The following KIAA0586 variants were observed in gnomAD, a reference collection of about 807,000 sequenced individuals.
KIAA0586 encodes the protein KIAA0586, also known as protein TALPID3.
In KIAA0586, 144 loss-of-function variants were observed where a neutral mutation model predicts 169.8. That is an observed-to-expected ratio of 0.85 (90% confidence interval 0.74 to 0.97). The LOEUF (loss-of-function observed/expected upper bound fraction) is 0.97. Ranked by LOEUF, KIAA0586 falls within the 50% of genes least tolerant of loss-of-function variation. The pLI is 0.00. For synonymous variants in KIAA0586, 625 were observed against 612.4 expected (o/e 1.02, Z -0.30); for missense variants, 1,854 against 1,823.0 (o/e 1.02, Z -0.31).
intron 6 of KIAA0586, 21 bp from the exon 7 acceptor site, chr14:58,448,314 TAATAA>T (rs771459988): frequency 1.4e-6 from 2 of 1,405,092 alleles, no homozygotes; most frequent in East Asian, 4.7e-5. Flanking sequence ...TATTTGAAAA[TAATAA>T]AATAATCTTA....
intron 20 of KIAA0586, among the ~76,000 whole-genome samples, chr14:58,479,849 C>T (rs946085971): frequency 6.6e-6 from 1 of 152,108 alleles, no homozygotes; most frequent in African/African-American, 2.4e-5. Flanking sequence ...TATATGTGTG[C>T]ATCTTGTTTT....
chr14:58,558,126 G>A, the KIAA0586 span, among the ~76,000 whole-genome samples: 1 of 151,908 alleles, frequency 6.6e-6, no homozygotes, highest in Non-Finnish European at 1.5e-5. Context: ...GGCCAGGCTA[G>A]TCTCAAATTC....
At position 58,482,538 on chromosome 14, in the gene KIAA0586, C is replaced by T. The variant is rs1333095624; in HGVS notation, c.2970C>T (p.Leu990=). Residue 990 remains leucine (L), a synonymous_variant, in exon 21 of 31, where the codon CTC becomes CTT. Coordinates refer to ENST00000652326, the MANE Select transcript of KIAA0586 (RefSeq NM_001329943.3). The part of the protein sequence containing the change: ...DIVEGTSSGA[L]QLFVDAGVPV... Reference sequence around the variant, plus strand: ...TGGAAGGAACAAGCAGTGGCGCCCTCCAGCTTTTTGTTGATGCTGGTGTTC... The same window carrying T: ...TGGAAGGAACAAGCAGTGGCGCCCTTCAGCTTTTTGTTGATGCTGGTGTTC... 1 of 1,551,504 alleles carries T rather than the reference C, an allele frequency of 6.4e-7. No homozygotes were observed. Among genetic ancestry groups the T allele is most frequent in the Non-Finnish European group, 8.7e-7 (1 of 1,146,018 alleles).
chr14:58,540,937 G>C (rs773454531), intron 30 of KIAA0586, among the ~76,000 whole-genome samples: 17 of 152,224 alleles, frequency 1.1e-4, no homozygotes, highest in Non-Finnish European at 2.1e-4. Flanking sequence ...AGTATGTGAG[G>C]AGAATTGAAT....
intron 7 of KIAA0586, 107 bp from the exon 8 acceptor site, chr14:58,450,472 C>A (rs2039273665): frequency 6.1e-6 from 4 of 654,526 alleles, no homozygotes; most frequent in Non-Finnish European, 1.1e-5. Context: ...ATTTGTTCAT[C>A]ATTTATAATT....
intron 28 of KIAA0586, among the ~76,000 whole-genome samples, 193 bp from the exon 29 acceptor site, chr14:58,512,329 A>G (rs1365098257): frequency 1.3e-5 from 2 of 151,956 alleles, no homozygotes; most frequent in South Asian, 2.1e-4. Context: ...TTTTTTTGCA[A>G]CGTCTTTTCT....
chr14:58,458,938 A>T (rs28485435), intron 12 of KIAA0586, among the ~76,000 whole-genome samples: 14,609 of 152,218 alleles, frequency 0.096, 897 homozygotes, highest in African/African-American at 0.17. Context: ...TACTAAGTTT[A>T]CGGAAGTCAG....
Position 58,459,846 on chromosome 14 carries a change from G to T in KIAA0586, c.1660G>T (p.Glu554Ter). The change falls in exon 13 of 31, where the codon GAA becomes TAA. Residue 554 changes from glutamate (E) to a stop codon, truncating the protein, a stop_gained. Transcript: ENST00000652326. LOFTEE classifies it high-confidence loss of function. ...TTTTAACTTTGGTTATGTTAAGGAT[G>T]AACTGTCAAGAACAGATTATGAACA... is the stretch of plus-strand genomic sequence containing the variant. ...IKTISAEIQD[E>*]LSRTDYEQKR... The T allele has an allele frequency of 6.7e-7, 1 of 1,500,820 alleles. No homozygotes were observed. The highest frequency in any genetic ancestry group is 8.9e-7 in the Non-Finnish European group (1 of 1,126,564). The allele number at this position is 1,500,820 out of a possible 1,614,324, so 93.0% of individuals were successfully genotyped here. A position where few individuals can be genotyped will look rare whatever the true frequency, so the allele number is the denominator to read the frequency against.
chr14:58,537,295 G>C, intron 29 of KIAA0586: 3 of 508,892 alleles, frequency 5.9e-6, no homozygotes, highest in Non-Finnish European at 7.7e-6. Flanking sequence ...TTTGACTGAG[G>C]AGAGTTTTAT....
intron 29 of KIAA0586, among the ~76,000 whole-genome samples, chr14:58,528,852 A>T (rs1270398243): frequency 1.3e-5 from 2 of 152,160 alleles, no homozygotes; most frequent in African/African-American, 4.8e-5. Flanking sequence ...AATAACTAAG[A>T]TCAGAGCAGA....
intron 19 of KIAA0586, 144 bp from the exon 20 acceptor site, chr14:58,476,979 A>T: frequency 3.6e-6 from 2 of 551,318 alleles, no homozygotes; most frequent in Non-Finnish European, 6.5e-6. Context: ...TTTCTTCTAG[A>T]TTTAACTTTC....
At chr14:58,545,813 T>C (rs1320807579) in intron 30 of KIAA0586, among the ~76,000 whole-genome samples, 3 of 152,028 alleles carry the variant, frequency 2.0e-5, no homozygotes, top group Admixed American at 6.5e-5. Context: ...ACCAAGGAGT[T>C]TGAGACAAAG....
rs183156745 is a variant in KIAA0586 at position 58,452,917 on chromosome 14, T to C, written c.1130-433T>C. ...AAATTGTAGGCTACTTTGTAGGCTATAAATTTTTTTTTTTTTTGAGATGGA... is the reference window on the plus strand; with the variant it reads ...AAATTGTAGGCTACTTTGTAGGCTACAAATTTTTTTTTTTTTTGAGATGGA... On this transcript the variant is annotated intron_variant, in intron 8 of 30. Coordinates refer to ENST00000652326, the MANE Select transcript of KIAA0586 (RefSeq NM_001329943.3). 5.0e-3 allele frequency among the ~76,000 whole-genome samples: 744 copies of C among 149,652 alleles called. 4 individuals are homozygous for C. The highest frequency in any genetic ancestry group is 8.3e-3 in the Non-Finnish European group (561 of 67,248).
At chr14:58,441,190 CTTTTTTTTT>C (rs71107949) in intron 4 of KIAA0586, 9 of 157,996 alleles carry the variant, frequency 5.7e-5, no homozygotes, top group Admixed American at 7.5e-5. Context: ...TCTTACAATT[CTTTTTTTTT>C]TTTTTTTTTT....
chr14:58,553,150 C>G (rs191455935), downstream of KIAA0586, among the ~76,000 whole-genome samples: 1 of 152,114 alleles, frequency 6.6e-6, no homozygotes, highest in Non-Finnish European at 1.5e-5. Flanking sequence ...GATAAAATAT[C>G]GACTGTGTGT....
chr14:58,533,253 A>G (rs146146001), intron 29 of KIAA0586, among the ~76,000 whole-genome samples: 2 of 152,348 alleles, frequency 1.3e-5, no homozygotes, highest in Non-Finnish European at 2.9e-5. Flanking sequence ...TAAATTTGCC[A>G]GTTTCCTGAA....
the KIAA0586 span, among the ~76,000 whole-genome samples, chr14:58,558,153 C>T: frequency 6.6e-6 from 1 of 151,932 alleles, no homozygotes; most frequent in Non-Finnish European, 1.5e-5. Context: ...TCAAGTGACC[C>T]GCCCGCCTTG....
chr14:58,530,012 CAG>C (rs2045858305), intron 29 of KIAA0586, among the ~76,000 whole-genome samples: 1 of 152,202 alleles, frequency 6.6e-6, no homozygotes, highest in Non-Finnish European at 1.5e-5. Context: ...AGCAAAGTCT[CAG>C]GGTACAAAAT....
At chr14:58,524,502 G>A (rs190655623) in intron 29 of KIAA0586, among the ~76,000 whole-genome samples, 1 of 152,278 alleles carries the variant, frequency 6.6e-6, no homozygotes, top group Admixed American at 6.5e-5. Context: ...TGGTTATTCG[G>A]ATGCAGAAGA....
Sources: gnomAD v4.1 joint callset for allele counts (sites outside exome capture counted in the v4.1 genomes callset) on GRCh38, gnomAD v4.1.1 for gene constraint, MANE v1.5 for transcripts, NCBI Gene and HGNC (gene_info 2026-07-23, HGNC 2026-07-21) for gene names.